Variants in KNDC1 observed in about 807,000 individuals in gnomAD.
The protein encoded by KNDC1 is kinase non-catalytic C-lobe domain containing 1.
Under a neutral mutation model 172.8 loss-of-function variants are expected in KNDC1, and 106 were observed. That is an observed-to-expected ratio of 0.61 (90% CI 0.52 to 0.72). The LOEUF (loss-of-function observed/expected upper bound fraction) is 0.72, where lower values mean the gene tolerates loss of function less well. Among genes scored for constraint, KNDC1 ranks in the 30% least tolerant of loss-of-function variants. KNDC1 has a pLI of 0.00. For missense variants in KNDC1, 2,325 were observed against 2,394.5 expected (o/e 0.97, Z 0.61); for synonymous variants, 1,083 against 1,062.2 (o/e 1.02, Z -0.38).
In KNDC1 at chr10:133,211,827, A is replaced by G. The variant is rs1845374056; in HGVS notation, c.4205A>G (p.Lys1402Arg). The change falls in exon 23 of 30, where the codon AAG (lysine) becomes AGG (arginine). Residue 1402 changes from lysine to arginine, a missense_variant. Coordinates refer to ENST00000304613, the MANE Select transcript of KNDC1 (RefSeq NM_152643.8). ...GCCAGACCCTTCAACGCCCTCTGTA[A>G]GAGGCTCTCAGAGGACGGCATCTCC... ...EDARPFNALCKRLSEDGISRK... is the reference protein window; with the variant it reads ...EDARPFNALCRRLSEDGISRK... 9 of 1,608,758 alleles carry G rather than the reference A, an allele frequency of 5.6e-6. No homozygotes were observed. The highest frequency in any genetic ancestry group is 7.6e-6 in the Non-Finnish European group (9 of 1,178,884).
intron 1 of KNDC1, among the ~76,000 whole-genome samples, chr10:133,165,104 C>T (rs9703428): frequency 0.14 from 21,222 of 152,238 alleles, 1,589 homozygotes; most frequent in Middle Eastern, 0.23. Context: ...CCTGTGTGAG[C>T]GGAAGCCCAC....
intron 1 of KNDC1, among the ~76,000 whole-genome samples, chr10:133,165,834 A>G (rs575436907): frequency 6.6e-6 from 1 of 152,176 alleles, no homozygotes; most frequent in Non-Finnish European, 1.5e-5. Context: ...AGCCCAAATC[A>G]AACACCTTTG....
intron 3 of KNDC1, among the ~76,000 whole-genome samples, chr10:133,170,012 A>G (rs540202718): frequency 6.6e-6 from 1 of 152,328 alleles, no homozygotes; most frequent in Admixed American, 6.5e-5. Context: ...ACTTGAGGCC[A>G]TCTGTGATCT....
In KNDC1 at chr10:133,183,864, G is replaced by T. The variant is rs375488018; in HGVS notation, c.508-8G>T. 3 of 1,562,590 alleles carry T rather than the reference G, an allele frequency of 1.9e-6. No homozygotes were observed. The highest frequency in any genetic ancestry group is 1.8e-5 in the Admixed American group (1 of 55,964). ...GAGCCTTCCTGTCTGAGGTGTTCCC[G>T]TCCCCAGAGCATCATCGCGCTGTGT... On this transcript the variant is annotated splice_polypyrimidine_tract_variant and splice_region_variant and intron_variant, in intron 4 of 29. Transcript: ENST00000304613.
At chr10:133,194,874 T>G (rs957721761) in intron 9 of KNDC1, among the ~76,000 whole-genome samples, 24 of 152,234 alleles carry the variant, frequency 1.6e-4, no homozygotes, top group Non-Finnish European at 3.2e-4. Context: ...CCCTTGAGAA[T>G]AGCCCAAAAG....
rs1185346133 is a variant in KNDC1, at chr10:133,207,277, C to T, written c.3720C>T (p.His1240=). The T allele has an allele frequency of 6.2e-7, 1 of 1,613,054 alleles. No homozygotes were observed. Among genetic ancestry groups the T allele is most frequent in the Admixed American group, 1.7e-5 (1 of 60,020 alleles). ...SSLIFYNVNK[H]PGGRQKARIL... Reference sequence around the variant, plus strand: ...TCATCTTCTACAACGTCAACAAGCACCCGGGCGGCCGGCAGAAGGCCCGCA... The same window carrying T: ...TCATCTTCTACAACGTCAACAAGCATCCGGGCGGCCGGCAGAAGGCCCGCA... The change falls in exon 20 of 30, where the codon CAC becomes CAT. Residue 1240 remains histidine (H), a synonymous_variant. Transcript: ENST00000304613.
In KNDC1 at chr10:133,214,135, C is replaced by T; in HGVS notation, c.4677+13C>T. 6.2e-7 allele frequency: 1 copy of T among 1,613,438 alleles called. No individual in the cohort carries two copies. The highest frequency in any genetic ancestry group is 8.5e-7 in the Non-Finnish European group (1 of 1,179,840). On this transcript the variant is annotated intron_variant, in intron 26 of 29. Transcript: ENST00000304613. ...CCACACCTCCAAGGTGGGCACCCTACAGTTCCGAGGCCAACACGGGGCGTG... is the reference window on the plus strand; with the variant it reads ...CCACACCTCCAAGGTGGGCACCCTATAGTTCCGAGGCCAACACGGGGCGTG...
chr10:133,206,962 G>T lies in KNDC1; in HGVS notation c.3579+9G>T, dbSNP rs1459244335. ...TCAAGAAGTATCTGCAGGCAAGTGG[G>T]CTCCGGGCCCCGCTCTGCCCCGTGA... is the stretch of plus-strand genomic sequence containing the variant. On this transcript the variant is annotated intron_variant, in intron 19 of 29. Coordinates refer to ENST00000304613, the MANE Select transcript of KNDC1 (RefSeq NM_152643.8). 2 of 1,612,640 alleles carry T rather than the reference G, an allele frequency of 1.2e-6. No homozygotes were observed. The highest frequency in any genetic ancestry group is 2.2e-5 in the South Asian group (2 of 91,056).
intron 3 of KNDC1, among the ~76,000 whole-genome samples, chr10:133,182,423 G>C (rs895125766): frequency 6.9e-6 from 1 of 145,872 alleles, no homozygotes; most frequent in East Asian, 1.9e-4. Flanking sequence ...GCACAGGTGC[G>C]GGGGCAGAGC....
In KNDC1 at chr10:133,198,991, C is replaced by T. The variant is rs771532004; in HGVS notation, c.2483C>T (p.Pro828Leu). The change falls in exon 14 of 30, where the codon CCG becomes CTG. Residue 828 changes from proline to leucine, a missense_variant. By Grantham distance (98) the Pro-to-Leu change is moderately conservative. Transcript: ENST00000304613. ...ACGGCCCACCACGGCCCACGCCACC[C>T]GCCCAAGCCCCCACGAAGCAAGGCC... is the stretch of plus-strand genomic sequence containing the variant. The part of the protein sequence containing the change: ...PTTAHHGPRH[P>L]PKPPRSKATE... 1.0e-5 allele frequency: 16 copies of T among 1,552,112 alleles called. No homozygotes were observed. The highest frequency in any genetic ancestry group is 7.7e-5 in the Admixed American group (4 of 51,758).
In KNDC1 at chr10:133,189,855, C is replaced by T. The variant is rs377024860; in HGVS notation, c.1575+42C>T. The T allele has an allele frequency of 3.1e-4, 467 of 1,521,330 alleles. 6 individuals carry two copies. In the South Asian group the frequency reaches 4.3e-3, roughly 14 times the overall value. The allele number at this position is 1,521,330 out of a possible 1,614,324, so 94.2% of individuals were successfully genotyped here. A position where few individuals can be genotyped will look rare whatever the true frequency, so the allele number is the denominator to read the frequency against. ...CACCCTGCCCCAGCCCTGCCCCCAG[C>T]CCTCGGGGATGCCACGTCCCCCATC... On this transcript the variant is annotated intron_variant, in intron 9 of 29. Coordinates refer to ENST00000304613, the MANE Select transcript of KNDC1 (RefSeq NM_152643.8).
At chr10:133,222,155 C>T (rs186106749) in intron 29 of KNDC1, among the ~76,000 whole-genome samples, 120 of 147,990 alleles carry the variant, frequency 8.1e-4, no homozygotes, top group Non-Finnish European at 1.5e-3. Context: ...CGGTGGCGGG[C>T]GCCTGTAGTC....
chr10:133,182,925 ACGGTGTGGGCACAGG>A (rs67441973), intron 3 of KNDC1, among the ~76,000 whole-genome samples: 104,325 of 133,030 alleles, frequency 0.78, 41,068 homozygotes, highest in Middle Eastern at 0.89. Context: ...GTGGGCACGG[ACGGTGTGGGCACAGG>A]CGGTGTGGGC....
rs369262058 is a variant in KNDC1, at chr10:133,188,522, C to T, written c.1327-17C>T. The T allele has an allele frequency of 3.8e-5, 57 of 1,516,078 alleles. No individual in the cohort carries two copies. Among genetic ancestry groups the T allele is most frequent in the Middle Eastern group, 4.4e-4 (2 of 4,512 alleles). The allele number at this position is 1,516,078 out of a possible 1,614,324, so 93.9% of individuals were successfully genotyped here. A position where few individuals can be genotyped will look rare whatever the true frequency, so the allele number is the denominator to read the frequency against. On this transcript the variant is annotated splice_polypyrimidine_tract_variant and intron_variant, in intron 6 of 29. Transcript: ENST00000304613. ...CAAGGGGTGTCCACACTGACCTCGC[C>T]GCTCTCCTGCCCACAGTGGGTGTCC...
intron 1 of KNDC1, among the ~76,000 whole-genome samples, chr10:133,161,048 T>C (rs12259153): frequency 0.63 from 94,615 of 151,318 alleles, 29,726 homozygotes; most frequent in Admixed American, 0.72. Flanking sequence ...CTCTCTGGTT[T>C]TCCGGGCCTT....
chr10:133,175,732 G>A (rs1443286658), intron 3 of KNDC1, among the ~76,000 whole-genome samples: 1 of 151,498 alleles, frequency 6.6e-6, no homozygotes, highest in South Asian at 2.1e-4. Flanking sequence ...GGATGGATGG[G>A]TGAATGGACG....
At chr10:133,221,323 G>A (rs147208973) in intron 29 of KNDC1, among the ~76,000 whole-genome samples, 635 of 152,214 alleles carry the variant, frequency 4.2e-3, no homozygotes, top group Non-Finnish European at 5.0e-3. Context: ...CCTGGGAGGC[G>A]CAGACTGGGG....
At chr10:133,181,034 G>A (rs1014356933) in intron 3 of KNDC1, among the ~76,000 whole-genome samples, 1 of 152,168 alleles carries the variant, frequency 6.6e-6, no homozygotes, top group Non-Finnish European at 1.5e-5. Flanking sequence ...CCCCCTTCTT[G>A]GAATTGAGGC....
intron 29 of KNDC1, among the ~76,000 whole-genome samples, chr10:133,221,210 T>C (rs1450465923): frequency 6.6e-6 from 1 of 151,886 alleles, no homozygotes; most frequent in Non-Finnish European, 1.5e-5. Context: ...GAAACCCCTC[T>C]CCCTAGAGAC....
Sources: allele counts gnomAD v4.1 joint callset (sites outside exome capture counted in the v4.1 genomes callset), GRCh38; gene constraint gnomAD v4.1.1; transcripts MANE v1.5; gene names NCBI Gene and HGNC (gene_info 2026-07-23, HGNC 2026-07-21).